FGFR1OP2: variants seen among roughly 807,000 people sequenced by gnomAD.
FGFR1OP2 encodes FGFR1 oncogene partner 2, also known as fibroblast growth factor receptor 1 oncogene partner 2.
A neutral mutation model predicts 35.2 loss-of-function variants in FGFR1OP2; 17 were observed. The ratio of observed to expected loss-of-function variants is 0.48; its 90% CI spans 0.33 to 0.73. FGFR1OP2 has a LOEUF of 0.73. FGFR1OP2 is among the 30% of genes least tolerant of loss of function. The pLI, the probability that FGFR1OP2 is intolerant of heterozygous loss-of-function variation, is 0.02. For synonymous variants in FGFR1OP2, 105 were observed against 104.6 expected, an observed-to-expected ratio of 1.00 and a Z score of -0.03; for missense variants, 251 against 307.3, an observed-to-expected ratio of 0.82 and a Z score of 1.37.
chr12:26,956,203 A>G (rs577342665), intron 2 of FGFR1OP2, among the ~76,000 whole-genome samples: 14 of 151,912 alleles, frequency 9.2e-5, no homozygotes, highest in Non-Finnish European at 2.1e-4. Flanking sequence ...CTCTCCAACA[A>G]TTGTTATTGT....
At position 26,966,103 on chromosome 12, in the gene FGFR1OP2, CTT is replaced by C. The variant is rs1161958507; in HGVS notation, c.*1371_*1372del. ...TATATTGGTAAAATTCAAAACTACA[CTT>C]GAGAATTTTTTTATCTTAAGTTTGG... On this transcript the variant is annotated 3_prime_UTR_variant, in exon 7 of 7. Transcript: ENST00000229395. The C allele has an allele frequency of 6.6e-6, 1 of 151,878 alleles. No homozygotes were observed. The highest frequency in any genetic ancestry group is 1.9e-4 in the East Asian group (1 of 5,188). The allele number at this position is 151,878 out of a possible 1,614,324, so 9.4% of individuals were successfully genotyped here. A position where few individuals can be genotyped will look rare whatever the true frequency, so the allele number is the denominator to read the frequency against.
At chr12:26,949,075 T>A (rs1185543097) in intron 1 of FGFR1OP2, among the ~76,000 whole-genome samples, 1 of 152,218 alleles carries the variant, frequency 6.6e-6, no homozygotes, top group East Asian at 1.9e-4. Context: ...CCATAAAATC[T>A]TCTTAGAGAT....
At chr12:26,941,677 T>C (rs1021749688) in intron 1 of FGFR1OP2, among the ~76,000 whole-genome samples, 1 of 152,228 alleles carries the variant, frequency 6.6e-6, no homozygotes, top group Non-Finnish European at 1.5e-5. Flanking sequence ...GATCTTGTAA[T>C]TAACTGTGAC....
chr12:26,962,355 G>C (rs1939116122), intron 5 of FGFR1OP2: 1 of 152,134 alleles, frequency 6.6e-6, no homozygotes, highest in African/African-American at 2.4e-5. Context: ...TTGGAGTACT[G>C]TTAAATCCTT....
chr12:26,947,466 T>C (rs1938847590), intron 1 of FGFR1OP2, among the ~76,000 whole-genome samples: 1 of 152,110 alleles, frequency 6.6e-6, no homozygotes, highest in African/African-American at 2.4e-5. Flanking sequence ...CAGGCAGGAG[T>C]GCAGTGGCAC....
Position 26,957,808 on chromosome 12 carries a change from A to AT in FGFR1OP2, c.396+73dup, listed in dbSNP as rs529443118. On this transcript the variant is annotated intron_variant, in intron 4 of 6. Transcript: ENST00000229395. ...AGACGATTGATTATTCTGTGTTCAG[A>AT]TTTTTTTTGAAAAAAATCACAGGTA... 184 of 1,411,142 alleles carry AT rather than the reference A, an allele frequency of 1.3e-4. 2 individuals are homozygous for AT. In the South Asian group the frequency reaches 1.8e-3, roughly 14 times the overall value. 87.4% of individuals were successfully genotyped at this position (1,411,142 alleles called of 1,614,324 possible). A position where few individuals can be genotyped will look rare whatever the true frequency, so the allele number is the denominator to read the frequency against.
chr12:26,956,737 G>A, intron 3 of FGFR1OP2, 77 bp downstream of exon 3: 2 of 715,066 alleles, frequency 2.8e-6, no homozygotes, highest in Non-Finnish European at 4.4e-6. Flanking sequence ...TCTTTATCCT[G>A]TCCCACATAT....
rs371807706 is a variant in FGFR1OP2, at chr12:26,964,707, A to G, written c.736A>G (p.Ser246Gly). ...STSLSALVTN[S>G]DLSLRKS ...TTCTTTGTCAGCATTAGTGACCAAC[A>G]GTGATTTGAGTCTGAGGAAGAGCTG... Residue 246 changes from serine to glycine, a missense_variant, in exon 7 of 7, where the codon AGT becomes GGT. Physicochemically the swap from Ser to Gly is moderately conservative, Grantham distance 56. Coordinates refer to ENST00000229395, the MANE Select transcript of FGFR1OP2 (RefSeq NM_015633.3). The G allele has an allele frequency of 3.7e-6, 6 of 1,611,270 alleles. No homozygotes were observed. In the African/African-American group the frequency reaches 8.0e-5, roughly 22 times the overall value.
intron 1 of FGFR1OP2, among the ~76,000 whole-genome samples, chr12:26,940,156 T>C (rs1480152548): frequency 6.6e-6 from 1 of 152,242 alleles, no homozygotes; most frequent in Non-Finnish European, 1.5e-5. Flanking sequence ...GCAACTCTTC[T>C]ACTGACTCCT....
chr12:26,939,094 G>A (rs1170692846), intron 1 of FGFR1OP2, among the ~76,000 whole-genome samples: 3 of 152,134 alleles, frequency 2.0e-5, no homozygotes, highest in Non-Finnish European at 2.9e-5. Flanking sequence ...TCTCCAAGGG[G>A]TATTACTCTT....
intron 1 of FGFR1OP2, among the ~76,000 whole-genome samples, chr12:26,952,087 CTT>C (rs34270981): frequency 3.3e-3 from 381 of 117,186 alleles, no homozygotes; most frequent in East Asian, 0.013. Flanking sequence ...AGTGCCCGTC[CTT>C]TTTTTTTTTT....
At chr12:26,952,324 G>A (rs1445615487) in intron 1 of FGFR1OP2, among the ~76,000 whole-genome samples, 1 of 151,990 alleles carries the variant, frequency 6.6e-6, no homozygotes, top group African/African-American at 2.4e-5. Context: ...CTCTCAGAAC[G>A]GCATCTTCGG....
At chr12:26,948,196 T>A (rs543981970) in intron 1 of FGFR1OP2, among the ~76,000 whole-genome samples, 2 of 152,226 alleles carry the variant, frequency 1.3e-5, no homozygotes, top group Non-Finnish European at 2.9e-5. Context: ...TTTTAAACAT[T>A]AGACATTTAA....
At chr12:26,945,228 C>G (rs1378070093) in intron 1 of FGFR1OP2, among the ~76,000 whole-genome samples, 5 of 151,796 alleles carry the variant, frequency 3.3e-5, no homozygotes, top group African/African-American at 7.3e-5. Flanking sequence ...GATTTCTACT[C>G]TTTATTATTT....
chr12:26,956,522 CAT>C lies in FGFR1OP2; in HGVS notation c.136-20_136-19del, dbSNP rs769740219. ...TATATTTGCAGGTATTTTCATCCCACATGTTTTTCTCCCCCATTAGTATCAGG... is the reference window on the plus strand; with the variant it reads ...TATATTTGCAGGTATTTTCATCCCACGTTTTTCTCCCCCATTAGTATCAGG... On this transcript the variant is annotated intron_variant, in intron 2 of 6. Transcript: ENST00000229395. The C allele has an allele frequency of 1.2e-5, 14 of 1,156,080 alleles. No individual in the cohort carries two copies. The highest frequency in any genetic ancestry group is 2.8e-5 in the East Asian group (1 of 35,312). 71.6% of individuals were successfully genotyped at this position (1,156,080 alleles called of 1,614,324 possible). A position where few individuals can be genotyped will look rare whatever the true frequency, so the allele number is the denominator to read the frequency against.
intron 1 of FGFR1OP2, among the ~76,000 whole-genome samples, chr12:26,947,476 C>T (rs1023362693): frequency 5.9e-5 from 9 of 152,202 alleles, no homozygotes; most frequent in African/African-American, 2.2e-4. Flanking sequence ...TGCAGTGGCA[C>T]AGCCAGGGTT....
At chr12:26,943,856 T>C (rs1412103335) in intron 1 of FGFR1OP2, among the ~76,000 whole-genome samples, 1 of 152,062 alleles carries the variant, frequency 6.6e-6, no homozygotes, top group Non-Finnish European at 1.5e-5. Context: ...ACTTCCCTAC[T>C]ATGTTGAGTC....
Position 26,963,439 on chromosome 12 carries a change from G to A in FGFR1OP2, c.608G>A (p.Arg203Gln), listed in dbSNP as rs761029261. The A allele has an allele frequency of 4.4e-6, 7 of 1,599,288 alleles. No homozygotes were observed. Among genetic ancestry groups the A allele is most frequent in the East Asian group, 4.5e-5 (2 of 44,326 alleles). ...CAACAGGGTTGCAAGGAACAAGAAC[G>A]AATATTTCAACTTGAAGTAAGTTTT... ...DEQQGCKEQE[R>Q]IFQLEQENKG... Residue 203 changes from arginine (R) to glutamine (Q), a missense_variant, in exon 6 of 7, where the codon CGA becomes CAA. Arg to Gln is a conservative substitution (Grantham distance 43). Coordinates refer to ENST00000229395, the MANE Select transcript of FGFR1OP2 (RefSeq NM_015633.3).
At chr12:26,959,137 C>T (rs1174915441) in intron 4 of FGFR1OP2, among the ~76,000 whole-genome samples, 1 of 151,686 alleles carries the variant, frequency 6.6e-6, no homozygotes, top group Non-Finnish European at 1.5e-5. Flanking sequence ...ATTAGAAAAC[C>T]TAATGATAGG....
Sources: gnomAD v4.1 joint callset for allele counts (sites outside exome capture counted in the v4.1 genomes callset) on GRCh38, gnomAD v4.1.1 for gene constraint, MANE v1.5 for transcripts, NCBI Gene and HGNC (gene_info 2026-07-23, HGNC 2026-07-21) for gene names.